The following TMEM132C variants were observed in gnomAD, a reference collection of about 807,000 sequenced individuals.
TMEM132C encodes protein phosphatase 1, regulatory subunit 152.
Under a neutral mutation model 61.4 loss-of-function variants are expected in TMEM132C, and 29 were observed. The observed-to-expected ratio is 0.47, with a 90% confidence interval of 0.35 to 0.64. TMEM132C has a LOEUF of 0.64. Ranked by LOEUF, TMEM132C falls within the 30% of genes least tolerant of loss-of-function variation. The pLI, the probability that TMEM132C is intolerant of heterozygous loss-of-function variation, is 0.00. For synonymous variants in TMEM132C, 656 were observed against 633.1 expected (o/e 1.04, Z -0.54); for missense variants, 1,408 against 1,476.9 (o/e 0.95, Z 0.76).
At chr12:128,568,550 G>A (rs147447658) in intron 3 of TMEM132C, among the ~76,000 whole-genome samples, 1 of 152,194 alleles carries the variant, frequency 6.6e-6, no homozygotes, top group Non-Finnish European at 1.5e-5. Flanking sequence ...TACGAGGTGG[G>A]TGTGGTTATC....
Position 128,707,279 on chromosome 12 carries a change from G to A in TMEM132C, c.*984G>A, listed in dbSNP as rs1437079429. 6.6e-6 allele frequency: 1 copy of A among 152,030 alleles called. No homozygotes were observed. Among genetic ancestry groups the A allele is most frequent in the African/African-American group, 2.4e-5 (1 of 41,450 alleles). The allele number at this position is 152,030 out of a possible 1,614,324, so 9.4% of individuals were successfully genotyped here. ...CTCGGGATTCCACCCCTGTCATCGT[G>A]GGGATGTTCCTATATGGGAGAAAGT... On this transcript the variant is annotated 3_prime_UTR_variant, in exon 9 of 9. Coordinates refer to ENST00000435159, the MANE Select transcript of TMEM132C (RefSeq NM_001136103.3).
intron 5 of TMEM132C, 112 bp from the exon 6 acceptor site, chr12:128,693,717 G>T (rs542804317): frequency 1.6e-6 from 2 of 1,250,564 alleles, no homozygotes; most frequent in Middle Eastern, 2.5e-4. Flanking sequence ...TGCTTTAGGA[G>T]AAACCAGAAA....
chr12:128,371,198 G>C (rs1013671027), intron 1 of TMEM132C, among the ~76,000 whole-genome samples: 45 of 152,148 alleles, frequency 3.0e-4, no homozygotes, highest in African/African-American at 1.0e-3. Context: ...ATTGGTGTGT[G>C]GATAGTGTTG....
rs1415831660 is a variant in TMEM132C at position 128,543,998 on chromosome 12, C to T, written c.1016C>T (p.Thr339Ile). ...KKGVNILSAQTREPRQWGVKQ... is the reference protein window; with the variant it reads ...KKGVNILSAQIREPRQWGVKQ... ...GGGGTGAACATCCTGAGTGCTCAGACCCGTGAGCCCCGGCAGTGGGGCGTC... is the reference window on the plus strand; with the variant it reads ...GGGGTGAACATCCTGAGTGCTCAGATCCGTGAGCCCCGGCAGTGGGGCGTC... Residue 339 changes from threonine to isoleucine, a missense_variant, in exon 3 of 9, where the codon ACC becomes ATC. Thr to Ile is a moderately conservative substitution (Grantham distance 89). Coordinates refer to ENST00000435159, the MANE Select transcript of TMEM132C (RefSeq NM_001136103.3). 1.3e-6 allele frequency: 2 copies of T among 1,549,292 alleles called. No individual in the cohort carries two copies. The highest frequency in any genetic ancestry group is 4.9e-5 in the East Asian group (2 of 40,718).
intron 1 of TMEM132C, among the ~76,000 whole-genome samples, chr12:128,279,121 A>G (rs1870797732): frequency 6.6e-6 from 1 of 152,208 alleles, no homozygotes; most frequent in Admixed American, 6.5e-5. Context: ...AGGGTCCTGG[A>G]AGATCTAGTC....
intron 5 of TMEM132C, among the ~76,000 whole-genome samples, chr12:128,691,009 G>A (rs1305706111): frequency 6.6e-6 from 1 of 152,198 alleles, no homozygotes; most frequent in Non-Finnish European, 1.5e-5. Flanking sequence ...ATGTTATTTG[G>A]CCGAGGCCAC....
chr12:128,329,418 G>A (rs1872613874), intron 1 of TMEM132C, among the ~76,000 whole-genome samples: 1 of 152,188 alleles, frequency 6.6e-6, no homozygotes. Flanking sequence ...CTGGCCATTT[G>A]TACAAGGCTG....
chr12:128,385,384 G>T lies in TMEM132C; in HGVS notation c.86-29348G>T, dbSNP rs200149610. On this transcript the variant is annotated intron_variant, in intron 1 of 8. Transcript: ENST00000435159. ...CAGAGCCTGATAGGATCATTGCAAA[G>T]ATTCGAGACATAAACGCCGAGTCCT... 5.3e-3 allele frequency among the ~76,000 whole-genome samples: 391 copies of T among 73,816 alleles called. 1 individual carries two copies. The highest frequency in any genetic ancestry group is 0.022 in the South Asian group (33 of 1,504). The allele number at this position is 73,816 out of a possible 152,430, so 48.4% of individuals were successfully genotyped here.
At chr12:128,487,618 T>TATATATATATATATATATATATACAC (rs1443168994) in intron 2 of TMEM132C, among the ~76,000 whole-genome samples, 19 of 149,420 alleles carry the variant, frequency 1.3e-4, no homozygotes, top group African/African-American at 4.7e-4. Flanking sequence ...TATATATATA[T>TATATATATATATATATATATATACAC]ATATATATAT....
intron 4 of TMEM132C, among the ~76,000 whole-genome samples, chr12:128,641,961 A>ATTTT (rs34283461): frequency 7.8e-6 from 1 of 128,742 alleles, no homozygotes; most frequent in African/African-American, 3.0e-5. Flanking sequence ...TGCCCGGCTA[A>ATTTT]TTTTTTTTTT....
At chr12:128,294,073 A>G (rs1219643705) in intron 1 of TMEM132C, 1 of 154,746 alleles carries the variant, frequency 6.5e-6, no homozygotes, top group Non-Finnish European at 1.5e-5. Context: ...AGCAGTAGAA[A>G]CTTCAGTCAT....
At chr12:128,305,267 GCTAGACCCCGA>G (rs1430358620) in intron 1 of TMEM132C, among the ~76,000 whole-genome samples, 1 of 151,998 alleles carries the variant, frequency 6.6e-6, no homozygotes, top group Non-Finnish European at 1.5e-5. Context: ...AGGCATGGTG[GCTAGACCCCGA>G]CTTTAAACAG....
rs142253378 is a variant in TMEM132C at position 128,669,151 on chromosome 12, A to G, written c.1306-266A>G. ...TCCACTTGGTCTCTGCAATAAAGAA[A>G]AAGAATAAATACTTTTTGATTGTTG... On this transcript the variant is annotated intron_variant, in intron 4 of 8. Transcript: ENST00000435159. Among the ~76,000 whole-genome samples, 212 of 152,366 alleles carry G rather than the reference A, an allele frequency of 1.4e-3. 1 individual carries two copies. Among genetic ancestry groups the G allele is most frequent in the African/African-American group, 4.9e-3 (203 of 41,582 alleles).
At chr12:128,541,249 C>G (rs1348573173) in intron 2 of TMEM132C, among the ~76,000 whole-genome samples, 2 of 152,152 alleles carry the variant, frequency 1.3e-5, no homozygotes, top group African/African-American at 2.4e-5. Flanking sequence ...CCTTGCCTTC[C>G]TGGGATACCA....
At chr12:128,605,203 C>T (rs1191775299) in intron 3 of TMEM132C, among the ~76,000 whole-genome samples, 3 of 151,964 alleles carry the variant, frequency 2.0e-5, no homozygotes, top group Non-Finnish European at 4.4e-5. Flanking sequence ...TGGCAAGTCC[C>T]GAAAACTGCA....
intron 1 of TMEM132C, among the ~76,000 whole-genome samples, chr12:128,361,109 G>A (rs1269762691): frequency 6.6e-6 from 1 of 152,316 alleles, no homozygotes; most frequent in East Asian, 1.9e-4. Flanking sequence ...CTCGCTGTTA[G>A]ATCATAATGC....
At chr12:128,323,260 C>T (rs1480236915) in intron 1 of TMEM132C, among the ~76,000 whole-genome samples, 2 of 152,304 alleles carry the variant, frequency 1.3e-5, no homozygotes, top group African/African-American at 4.8e-5. Flanking sequence ...TTAAAAGCAG[C>T]TTAGTTTCCT....
intron 1 of TMEM132C, among the ~76,000 whole-genome samples, chr12:128,338,777 T>TATATATATATATATATATATATATATATA (rs1565905368): frequency 1.9e-4 from 28 of 149,152 alleles, no homozygotes; most frequent in African/African-American, 6.7e-4. Context: ...TATATATATA[T>TATATATATATATATATATATATATATATA]TTTGCACAAA....
chr12:128,591,500 A>T lies in TMEM132C; in HGVS notation c.1122-24652A>T, dbSNP rs921264911. ...ATTTTGTTCAACCGTTTGTCAGCTG[A>T]TGGACTTTTGGGTTTCTCCTCCTGG... On this transcript the variant is annotated intron_variant, in intron 3 of 8. Transcript: ENST00000435159. 4.3e-4 allele frequency among the ~76,000 whole-genome samples: 65 copies of T among 152,108 alleles called. 1 individual carries two copies. The highest frequency in any genetic ancestry group is 6.2e-4 in the South Asian group (3 of 4,822).
Sources: gnomAD v4.1 joint callset for allele counts (sites outside exome capture counted in the v4.1 genomes callset) on GRCh38, gnomAD v4.1.1 for gene constraint, MANE v1.5 for transcripts, NCBI Gene and HGNC (gene_info 2026-07-23, HGNC 2026-07-21) for gene names.